KIF13A: variants seen among roughly 807,000 people sequenced by gnomAD.
The protein encoded by KIF13A is kinesin family member 13A.
A neutral mutation model predicts 212.2 loss-of-function variants in KIF13A; 79 were observed. That is an observed-to-expected ratio of 0.37 (90% CI 0.31 to 0.45). The LOEUF (loss-of-function observed/expected upper bound fraction) is 0.45, where lower values mean the gene tolerates loss of function less well. KIF13A is among the 20% of genes least tolerant of loss of function. The pLI is 1.00. For synonymous variants in KIF13A, 789 were observed against 808.6 expected, an observed-to-expected ratio of 0.98 and a Z score of 0.41; for missense variants, 1,901 against 2,209.0, an observed-to-expected ratio of 0.86 and a Z score of 2.79.
At chr6:17,822,045 T>A in intron 16 of KIF13A, 1 of 713,090 alleles carries the variant, frequency 1.4e-6, no homozygotes, top group Non-Finnish European at 2.1e-6. Flanking sequence ...CATAACTTCT[T>A]TTTTTTTTTT....
intron 2 of KIF13A, among the ~76,000 whole-genome samples, chr6:17,957,355 A>C (rs1212234279): frequency 1.3e-5 from 2 of 152,190 alleles, no homozygotes; most frequent in African/African-American, 2.4e-5. Context: ...CCATCTCCAC[A>C]GGGACACAAG....
In KIF13A at chr6:17,855,145, T is replaced by G. The variant is rs1044609037; in HGVS notation, c.494+292A>C. 2.0e-5 allele frequency among the ~76,000 whole-genome samples: 3 copies of G among 152,166 alleles called. No individual in the cohort carries two copies. Among genetic ancestry groups the G allele is most frequent in the Admixed American group, 6.5e-5 (1 of 15,276 alleles). Reference sequence around the variant, plus strand: ...CACTTTCCAATGTAAATGGAAGAACTAATGTGTTATTCCTAACTCAATTTT... The same window carrying G: ...CACTTTCCAATGTAAATGGAAGAACGAATGTGTTATTCCTAACTCAATTTT... On this transcript the variant is annotated intron_variant, in intron 6 of 38. Coordinates refer to ENST00000259711, the MANE Select transcript of KIF13A (RefSeq NM_022113.6). This position sits in a 1 kb window ranked among gnomAD's most constrained non-coding sequence, Gnocchi z 4.1.
intron 2 of KIF13A, among the ~76,000 whole-genome samples, chr6:17,964,342 T>C (rs1779115039): frequency 6.6e-6 from 1 of 152,200 alleles, no homozygotes; most frequent in Non-Finnish European, 1.5e-5. Context: ...TTTTACAAGC[T>C]GTGATCATTC....
At chr6:17,818,033 T>G (rs373173522) in intron 16 of KIF13A, among the ~76,000 whole-genome samples, 49 of 152,314 alleles carry the variant, frequency 3.2e-4, no homozygotes, top group African/African-American at 1.2e-3. Flanking sequence ...TGGAGAAAGA[T>G]CAAGGCTCTG....
intron 38 of KIF13A, chr6:17,770,448 C>T (rs181706845): frequency 8.5e-5 from 12 of 141,158 alleles, no homozygotes; most frequent in Admixed American, 7.1e-4. Flanking sequence ...AACTGTATCT[C>T]AAATTAATAA....
In KIF13A at chr6:17,898,295, G is replaced by C. The variant is rs1038153293; in HGVS notation, c.147-115C>G. 1.1e-6 allele frequency: 1 copy of C among 918,818 alleles called. No homozygotes were observed. Among genetic ancestry groups the C allele is most frequent in the Non-Finnish European group, 1.7e-6 (1 of 593,244 alleles). 56.9% of individuals were successfully genotyped at this position (918,818 alleles called of 1,614,324 possible). A position where few individuals can be genotyped will look rare whatever the true frequency, so the allele number is the denominator to read the frequency against. ...AAAAATAAGGTAAATTCAGCACCTT[G>C]ATAACATGATCTGAAAGATATTCTT... is the stretch of plus-strand genomic sequence containing the variant. On this transcript the variant is annotated intron_variant, in intron 2 of 38. Coordinates refer to ENST00000259711, the MANE Select transcript of KIF13A (RefSeq NM_022113.6). This position sits in a 1 kb window ranked among gnomAD's most constrained non-coding sequence, Gnocchi z 5.2.
At chr6:17,938,914 C>T (rs888176883) in intron 2 of KIF13A, among the ~76,000 whole-genome samples, 1 of 150,612 alleles carries the variant, frequency 6.6e-6, no homozygotes, top group African/African-American at 2.4e-5. Context: ...AAAACCAGTT[C>T]AATTTAGCCA....
intron 23 of KIF13A, 126 bp downstream of exon 23, chr6:17,796,543 C>CTT (rs112059351): frequency 4.7e-3 from 2,231 of 472,440 alleles, no homozygotes; most frequent in Middle Eastern, 6.2e-3. Context: ...CCTGGCCATT[C>CTT]TTTTTTTTTT....
rs948826512 is a variant in KIF13A, at chr6:17,886,576, C to G, written c.159+11592G>C. 6.6e-6 allele frequency among the ~76,000 whole-genome samples: 1 copy of G among 152,092 alleles called. No homozygotes were observed. The highest frequency in any genetic ancestry group is 6.5e-5 in the Admixed American group (1 of 15,270). ...TTCCTGGGGCCTATACTCCATGTGA[C>G]CTGGTACTCCGTCAGTGGTACTGTA... On this transcript the variant is annotated intron_variant, in intron 3 of 38. Transcript: ENST00000259711. The surrounding 1 kb of genome is among the most constrained non-coding windows in gnomAD (Gnocchi z 5.6).
chr6:17,949,228 T>A (rs1056898710), intron 2 of KIF13A, among the ~76,000 whole-genome samples: 2 of 152,136 alleles, frequency 1.3e-5, no homozygotes, highest in African/African-American at 2.4e-5. Flanking sequence ...TCAAAATAAA[T>A]CTTTTAGGAA....
At chr6:17,824,504 A>C (rs1404334596) in intron 16 of KIF13A, among the ~76,000 whole-genome samples, 2 of 152,082 alleles carry the variant, frequency 1.3e-5, no homozygotes, top group Non-Finnish European at 2.9e-5. Context: ...TCATGCCTGT[A>C]ATCCCAGCAC....
intron 16 of KIF13A, among the ~76,000 whole-genome samples, chr6:17,824,017 C>G (rs556610708): frequency 4.0e-5 from 6 of 150,280 alleles, no homozygotes; most frequent in Non-Finnish European, 8.9e-5. Flanking sequence ...AAGCAATTCT[C>G]CTGCCTCAGC....
chr6:17,974,065 A>G (rs1013754115), intron 2 of KIF13A, among the ~76,000 whole-genome samples: 1 of 152,158 alleles, frequency 6.6e-6, no homozygotes, highest in South Asian at 2.1e-4. Flanking sequence ...GAGAGTCCTT[A>G]TGTTAGGAAC....
chr6:17,836,577 G>C (rs951408398), intron 11 of KIF13A, among the ~76,000 whole-genome samples: 2 of 152,154 alleles, frequency 1.3e-5, no homozygotes, highest in African/African-American at 4.8e-5. Context: ...TTGCTATAAA[G>C]AAATACCTGA....
Position 17,783,278 on chromosome 6 carries a change from C to T in KIF13A, c.3544+368G>A, listed in dbSNP as rs1318652292. Among the ~76,000 whole-genome samples, 3 of 152,202 alleles carry T rather than the reference C, an allele frequency of 2.0e-5. No individual in the cohort carries two copies. Among genetic ancestry groups the T allele is most frequent in the African/African-American group, 7.2e-5 (3 of 41,452 alleles). On this transcript the variant is annotated intron_variant, in intron 29 of 38. Transcript: ENST00000259711. The surrounding 1 kb of genome is among the most constrained non-coding windows in gnomAD (Gnocchi z 4.3). ...CCCTAAGGCAGGGTTATAGTGTGAT[C>T]ACTTCTGCCATCAAAACTATTTGAG... is the stretch of plus-strand genomic sequence containing the variant.
Position 17,794,353 on chromosome 6 carries a change from G to A in KIF13A, c.3118C>T (p.His1040Tyr). 1 of 1,613,492 alleles carries A rather than the reference G, an allele frequency of 6.2e-7. No individual in the cohort carries two copies. Among genetic ancestry groups the A allele is most frequent in the Non-Finnish European group, 8.5e-7 (1 of 1,179,432 alleles). Residue 1040 changes from histidine (H) to tyrosine (Y), a missense_variant, in exon 25 of 39, where the codon CAT becomes TAT. His to Tyr is a moderately conservative substitution (Grantham distance 83). Transcript: ENST00000259711. The surrounding 1 kb of genome is among the most constrained non-coding windows in gnomAD (Gnocchi z 4.1). ...RVQVTVKPVQ[H>Y]SGTLPLMVEA... ...ACCATAAGTGGCAGTGTCCCTGAATGCTGCACAGGTTTCACCGTGACTTGT... is the reference window on the plus strand; with the variant it reads ...ACCATAAGTGGCAGTGTCCCTGAATACTGCACAGGTTTCACCGTGACTTGT...
rs1238104372 is a variant in KIF13A at position 17,963,581 on chromosome 6, A to G, written c.146+23473T>C. Among the ~76,000 whole-genome samples, 1 of 152,188 alleles carries G rather than the reference A, an allele frequency of 6.6e-6. No individual in the cohort carries two copies. The highest frequency in any genetic ancestry group is 2.4e-5 in the African/African-American group (1 of 41,464). ...TTCTATATCTTTCTTTTTTTGAGACAGAGTCTTGCTGTGTCGCCTAGGCTG... is the reference window on the plus strand; with the variant it reads ...TTCTATATCTTTCTTTTTTTGAGACGGAGTCTTGCTGTGTCGCCTAGGCTG... On this transcript the variant is annotated intron_variant, in intron 2 of 38. Transcript: ENST00000259711. The surrounding 1 kb of genome is among the most constrained non-coding windows in gnomAD (Gnocchi z 4.1).
chr6:17,809,180 C>T lies in KIF13A; in HGVS notation c.2001-250G>A, dbSNP rs560288568. 1.3e-5 allele frequency among the ~76,000 whole-genome samples: 2 copies of T among 152,174 alleles called. No homozygotes were observed. Among genetic ancestry groups the T allele is most frequent in the East Asian group, 1.9e-4 (1 of 5,182 alleles). On this transcript the variant is annotated intron_variant, in intron 17 of 38. Transcript: ENST00000259711. This position sits in a 1 kb window ranked among gnomAD's most constrained non-coding sequence, Gnocchi z 4.7. ...TTTTAAATTATGTAACACGTGAAAACGATCAGATTGTGATAGGAGGATGCA... is the reference window on the plus strand; with the variant it reads ...TTTTAAATTATGTAACACGTGAAAATGATCAGATTGTGATAGGAGGATGCA...
chr6:17,844,186 CA>C (rs1318839599), intron 9 of KIF13A, among the ~76,000 whole-genome samples: 1 of 152,092 alleles, frequency 6.6e-6, no homozygotes, highest in East Asian at 1.9e-4. Flanking sequence ...ATATGGATGG[CA>C]AATTATGAGT....
Sources: allele counts gnomAD v4.1 joint callset (sites outside exome capture counted in the v4.1 genomes callset), GRCh38; gene constraint gnomAD v4.1.1; non-coding constraint Gnocchi (gnomAD v3.1); transcripts MANE v1.5; gene names NCBI Gene and HGNC (gene_info 2026-07-23, HGNC 2026-07-21).